SDK2: variants seen among roughly 807,000 people sequenced by gnomAD.
SDK2 encodes the protein sidekick cell adhesion molecule 2.
In SDK2, 105 loss-of-function variants were observed where a neutral mutation model predicts 253.9. The observed-to-expected ratio is 0.41, with a 90% CI of 0.35 to 0.49. The LOEUF is 0.49. Ranked by LOEUF, SDK2 falls within the 20% of genes least tolerant of loss-of-function variation. The pLI is 0.06. For synonymous variants in SDK2, 1,249 were observed against 1,234.9 expected (o/e 1.01, Z -0.24); for missense variants, 2,608 against 3,003.0 (o/e 0.87, Z 3.07).
rs559146849 is a variant in SDK2, at chr17:73,539,906, G to A, written c.65-32309C>T. On this transcript the variant is annotated intron_variant, in intron 1 of 44. Coordinates refer to ENST00000392650, the MANE Select transcript of SDK2 (RefSeq NM_001144952.2). ...AGGATGGGCGGCCCCCACCAGAGAC[G>A]GGGTCATGCAGCTGTGGGCCACGGT... is the stretch of plus-strand genomic sequence containing the variant. Among the ~76,000 whole-genome samples, 17 of 152,062 alleles carry A rather than the reference G, an allele frequency of 1.1e-4. 1 individual carries two copies. The East Asian group carries it at 1.9e-3, about 17-fold the overall frequency.
rs775785997 is a variant in SDK2 at position 73,338,286 on chromosome 17, C to T, written c.*301G>A. On this transcript the variant is annotated 3_prime_UTR_variant, in exon 45 of 45. Transcript: ENST00000392650. This position sits in a 1 kb window ranked among gnomAD's most constrained non-coding sequence, Gnocchi z 5.0. ...CGCTCCCTCTCTCTCTCCAGATGCC[C>T]GCCCCACTCCGTGTCCATAGCAGTG... 15 of 543,074 alleles carry T rather than the reference C, an allele frequency of 2.8e-5. No homozygotes were observed. Among genetic ancestry groups the T allele is most frequent in the Admixed American group, 6.9e-5 (3 of 43,272 alleles). 33.6% of individuals were successfully genotyped at this position (543,074 alleles called of 1,614,324 possible). A position where few individuals can be genotyped will look rare whatever the true frequency, so the allele number is the denominator to read the frequency against.
chr17:73,610,744 T>C lies in SDK2; in HGVS notation c.64+33281A>G, dbSNP rs1386783918. ...GTGTGCCCAGGAAGGATGGAGAGGG[T>C]GTGTGAGCATATGTATCTATATATG... On this transcript the variant is annotated intron_variant, in intron 1 of 44. Transcript: ENST00000392650. Among the ~76,000 whole-genome samples the C allele has an allele frequency of 4.6e-5, 7 of 151,956 alleles. No individual in the cohort carries two copies. In the East Asian group the frequency reaches 1.4e-3, roughly 29 times the overall value.
chr17:73,433,453 A>T (rs1397190359), intron 10 of SDK2, among the ~76,000 whole-genome samples: 1 of 152,090 alleles, frequency 6.6e-6, no homozygotes, highest in Non-Finnish European at 1.5e-5. Flanking sequence ...TGCCCGGCTA[A>T]TTTTGGTATT....
intron 36 of SDK2, among the ~76,000 whole-genome samples, chr17:73,374,990 G>A (rs1381089465): frequency 6.6e-6 from 1 of 152,044 alleles, no homozygotes; most frequent in Non-Finnish European, 1.5e-5. Flanking sequence ...CTTCACTCAA[G>A]AGTGACAGCC....
At chr17:73,579,746 G>T (rs58369842) in intron 1 of SDK2, among the ~76,000 whole-genome samples, 171 of 152,288 alleles carry the variant, frequency 1.1e-3, no homozygotes, top group African/African-American at 3.9e-3. Context: ...GGAGGCCAAG[G>T]CAGGTGGATC....
chr17:73,502,259 G>T (rs901189961), intron 2 of SDK2, among the ~76,000 whole-genome samples: 2 of 152,178 alleles, frequency 1.3e-5, no homozygotes, highest in African/African-American at 4.8e-5. Context: ...AGTAAATTTA[G>T]CCATTTTCCT....
intron 1 of SDK2, among the ~76,000 whole-genome samples, chr17:73,527,084 C>T (rs892342613): frequency 6.6e-6 from 1 of 152,326 alleles, no homozygotes; most frequent in African/African-American, 2.4e-5. Context: ...ACTGCGGATA[C>T]AGGAGCTAGG....
chr17:73,488,415 G>GATA (rs1025045186), intron 2 of SDK2, among the ~76,000 whole-genome samples: 1 of 152,174 alleles, frequency 6.6e-6, no homozygotes, highest in African/African-American at 2.4e-5. Flanking sequence ...ATTAGAGAAC[G>GATA]ATATGAGCAT....
chr17:73,601,776 C>T (rs2045844676), intron 1 of SDK2, among the ~76,000 whole-genome samples: 1 of 151,852 alleles, frequency 6.6e-6, no homozygotes, highest in African/African-American at 2.4e-5. Flanking sequence ...CAGAGTCCTG[C>T]TTTTTCGCCC....
chr17:73,466,965 T>C (rs2063604850), intron 3 of SDK2, among the ~76,000 whole-genome samples: 1 of 152,060 alleles, frequency 6.6e-6, no homozygotes, highest in Non-Finnish European at 1.5e-5. Context: ...CGGACCTCCA[T>C]CCCCAAGACA....
chr17:73,459,515 A>G (rs891980648), intron 3 of SDK2, among the ~76,000 whole-genome samples: 3 of 152,184 alleles, frequency 2.0e-5, no homozygotes, highest in African/African-American at 7.2e-5. Flanking sequence ...CCATGGTTCT[A>G]CAGCATCCTG....
intron 1 of SDK2, among the ~76,000 whole-genome samples, chr17:73,634,299 G>A (rs2046304622): frequency 6.6e-6 from 1 of 152,206 alleles, no homozygotes; most frequent in Admixed American, 6.5e-5. Context: ...CCAAATCTAA[G>A]GCAATGGCCT....
intron 1 of SDK2, among the ~76,000 whole-genome samples, chr17:73,561,015 C>T (rs373451498): frequency 1.3e-5 from 2 of 152,130 alleles, no homozygotes; most frequent in Non-Finnish European, 1.5e-5. Context: ...AAAATCAGGA[C>T]CCCCTCCTCA....
At chr17:73,428,654 CTGG>C (rs972803979) in intron 12 of SDK2, among the ~76,000 whole-genome samples, 34 of 152,294 alleles carry the variant, frequency 2.2e-4, no homozygotes, top group African/African-American at 7.5e-4. Flanking sequence ...GTTTTCAATC[CTGG>C]TGACACATTA....
At chr17:73,489,968 G>C (rs1362683192) in intron 2 of SDK2, among the ~76,000 whole-genome samples, 1 of 152,194 alleles carries the variant, frequency 6.6e-6, no homozygotes, top group Non-Finnish European at 1.5e-5. Context: ...AAAGGGCACA[G>C]AGTTTTCTGC....
Position 73,401,074 on chromosome 17 carries a change from A to G in SDK2, c.2917T>C (p.Ser973Pro). 6.4e-7 allele frequency: 1 copy of G among 1,574,364 alleles called. No homozygotes were observed. ...GCGGACACTTGGCCCTGGCCCTTTG[A>G]GGTCATGGCGGCCACCTCGATGGTG... ...TYTIEVAAMT[S>P]KGQGQVSAST... is the part of the protein sequence containing the mutation. Residue 973 changes from serine to proline, a missense_variant, in exon 21 of 45, where the codon TCA (serine) becomes CCA (proline). Physicochemically the swap from Ser to Pro is moderately conservative, Grantham distance 74. Coordinates refer to ENST00000392650, the MANE Select transcript of SDK2 (RefSeq NM_001144952.2).
At chr17:73,357,730 T>G in intron 40 of SDK2, 1 of 350,132 alleles carries the variant, frequency 2.9e-6, no homozygotes, top group Non-Finnish European at 5.3e-6. Context: ...AGGGTCTTCT[T>G]AGTTATGGGG....
chr17:73,378,828 A>G (rs1178936492), intron 36 of SDK2, among the ~76,000 whole-genome samples: 1 of 151,814 alleles, frequency 6.6e-6, no homozygotes, highest in Non-Finnish European at 1.5e-5. Context: ...AGCCCCTTGG[A>G]GGGTCTTAAG....
chr17:73,475,122 G>T (rs2063677259), intron 2 of SDK2, among the ~76,000 whole-genome samples: 1 of 152,166 alleles, frequency 6.6e-6, no homozygotes, highest in Admixed American at 6.5e-5. Context: ...TGACTCAGAG[G>T]TTGTGCTCCT....
Sources: gnomAD v4.1 joint callset for allele counts (sites outside exome capture counted in the v4.1 genomes callset) on GRCh38, gnomAD v4.1.1 for gene constraint, Gnocchi (gnomAD v3.1) non-coding constraint, MANE v1.5 for transcripts, NCBI Gene and HGNC (gene_info 2026-07-23, HGNC 2026-07-21) for gene names.